The following STK3 variants were observed in gnomAD, a reference collection of about 807,000 sequenced individuals.
The protein encoded by STK3 is serine/threonine kinase 3, also known as serine/threonine-protein kinase 3.
In STK3, 41 loss-of-function variants were observed where a neutral mutation model predicts 58.0. The ratio of observed to expected loss-of-function variants is 0.71; its 90% CI spans 0.55 to 0.92. The LOEUF is 0.92. Among genes scored for constraint, STK3 ranks in the 40% least tolerant of loss-of-function variants. STK3 has a pLI of 0.00. For missense variants in STK3, 479 were observed against 602.7 expected (o/e 0.79, Z 2.15); for synonymous variants, 170 against 191.0 (o/e 0.89, Z 0.91).
chr8:98,912,161 A>T (rs186534506), intron 1 of STK3, among the ~76,000 whole-genome samples: 1 of 152,224 alleles, frequency 6.6e-6, no homozygotes, highest in South Asian at 2.1e-4. Flanking sequence ...GGTGGATCAC[A>T]TGAGGTCAGG....
intron 2 of STK3, among the ~76,000 whole-genome samples, chr8:98,774,424 T>C (rs1260820157): frequency 6.6e-6 from 1 of 152,192 alleles, no homozygotes; most frequent in East Asian, 1.9e-4. Context: ...GTCACTTGCC[T>C]AACAAAGTCA....
chr8:98,867,770 A>G (rs1007631542), intron 3 of STK3, among the ~76,000 whole-genome samples: 3 of 152,206 alleles, frequency 2.0e-5, no homozygotes, highest in Admixed American at 6.5e-5. Context: ...TGAAATGGAG[A>G]TAATAACAGT....
At chr8:98,822,950 T>G (rs1031234044) in intron 1 of STK3, among the ~76,000 whole-genome samples, 11 of 152,174 alleles carry the variant, frequency 7.2e-5, no homozygotes, top group African/African-American at 2.2e-4. Flanking sequence ...ATCGCTTGAA[T>G]CAGGATGCCA....
At chr8:98,834,338 G>C (rs1202102033) in intron 3 of STK3, among the ~76,000 whole-genome samples, 1 of 152,092 alleles carries the variant, frequency 6.6e-6, no homozygotes, top group Admixed American at 6.6e-5. Context: ...CTTCCAACTT[G>C]ACCCAAATAA....
chr8:98,886,944 A>G (rs1339753554), intron 1 of STK3, among the ~76,000 whole-genome samples: 1 of 152,038 alleles, frequency 6.6e-6, no homozygotes, highest in Non-Finnish European at 1.5e-5. Context: ...CTAAAAATAC[A>G]AAAATTAGCT....
chr8:98,508,287 G>T (rs1162264556), intron 10 of STK3, among the ~76,000 whole-genome samples: 14 of 152,036 alleles, frequency 9.2e-5, no homozygotes, highest in Non-Finnish European at 1.0e-4. Flanking sequence ...TATCATAGGT[G>T]GCAAATTCCT....
At chr8:98,821,901 G>A (rs763583336) in intron 1 of STK3, among the ~76,000 whole-genome samples, 1 of 152,112 alleles carries the variant, frequency 6.6e-6, no homozygotes, top group Non-Finnish European at 1.5e-5. Flanking sequence ...CTTGAACTGG[G>A]CTACACACTG....
chr8:98,679,622 C>G (rs1216307548), intron 6 of STK3, among the ~76,000 whole-genome samples: 1 of 152,146 alleles, frequency 6.6e-6, no homozygotes, highest in Non-Finnish European at 1.5e-5. Flanking sequence ...CTGCTGCATC[C>G]CTAGTACCTA....
intron 10 of STK3, among the ~76,000 whole-genome samples, chr8:98,460,419 G>A (rs1819860810): frequency 6.6e-6 from 1 of 152,186 alleles, no homozygotes; most frequent in African/African-American, 2.4e-5. Flanking sequence ...GACTTGCCTT[G>A]TCTCAGATTA....
At chr8:98,551,047 T>G (rs762134475) in intron 8 of STK3, among the ~76,000 whole-genome samples, 6 of 152,146 alleles carry the variant, frequency 3.9e-5, no homozygotes, top group Non-Finnish European at 5.9e-5. Flanking sequence ...AGGCTGGACT[T>G]TAACTGAATC....
intron 1 of STK3, among the ~76,000 whole-genome samples, chr8:98,439,737 T>C (rs780503186): frequency 6.6e-6 from 1 of 152,192 alleles, no homozygotes; most frequent in Admixed American, 6.5e-5. Context: ...GCTGATCCTC[T>C]AGCAAAATCT....
At chr8:98,382,400 AGGCACACTTCCTTCCCAGCCCAG>A (rs1817743611) in intron 1 of STK3, among the ~76,000 whole-genome samples, 1 of 152,178 alleles carries the variant, frequency 6.6e-6, no homozygotes, top group Non-Finnish European at 1.5e-5. Context: ...TTTGTTTAAA[AGGCACACTTCCTTCCCAGCCCAG>A]GGTCCCAGAA....
At position 98,774,801 on chromosome 8, in the gene STK3, A is replaced by C; in HGVS notation, c.45T>G (p.Ser15Arg). Residue 15 changes from serine (S) to arginine (R), a missense_variant, in exon 2 of 11, where the codon AGT becomes AGG. Around this residue, in one of 3 missense-constraint regions of STK3, gnomAD observed 44 missense variants for 37.0 expected, o/e 1.19. Transcript: ENST00000419617. Reference protein sequence around the residue: ...PAPKSKLKKLSEDSLTKQPEE... With the variant: ...PAPKSKLKKLREDSLTKQPEE... The stretch of plus-strand genomic sequence containing the variant: ...CAGGCTGCTTAGTCAAACTGTCTTC[A>C]CTCAGCTTTTTTAGTTTACTGATTT... 6.4e-7 allele frequency: 1 copy of C among 1,569,370 alleles called. No homozygotes were observed. Among genetic ancestry groups the C allele is most frequent in the African/African-American group, 1.4e-5 (1 of 73,434 alleles).
At chr8:98,730,856 G>A (rs1033377734) in intron 4 of STK3, among the ~76,000 whole-genome samples, 2 of 152,012 alleles carry the variant, frequency 1.3e-5, no homozygotes, top group African/African-American at 4.8e-5. Context: ...TGTGAAGACT[G>A]AGGGAACTAC....
intron 10 of STK3, among the ~76,000 whole-genome samples, chr8:98,513,304 G>GGGTA (rs1370990924): frequency 1.2e-4 from 18 of 152,138 alleles, no homozygotes; most frequent in African/African-American, 4.1e-4. Context: ...AAGAGGGCAA[G>GGGTA]GGTACATCAG....
chr8:98,479,771 C>A (rs1821700541), intron 10 of STK3, among the ~76,000 whole-genome samples: 2 of 152,106 alleles, frequency 1.3e-5, no homozygotes, highest in Admixed American at 1.3e-4. Flanking sequence ...CAGAAGCCAA[C>A]CTTGATACGA....
intron 10 of STK3, among the ~76,000 whole-genome samples, chr8:98,520,692 T>C (rs1038085158): frequency 6.6e-6 from 1 of 152,016 alleles, no homozygotes; most frequent in Admixed American, 6.6e-5. Context: ...AGTTCTCTTC[T>C]AGAAGGCGGC....
intron 10 of STK3, among the ~76,000 whole-genome samples, chr8:98,469,252 CG>C (rs746927358): frequency 4.4e-4 from 43 of 97,380 alleles, no homozygotes; most frequent in African/African-American, 1.4e-3. Flanking sequence ...CTTTTCTTTG[CG>C]GGGGCGGGGG....
chr8:98,694,529 T>A (rs779678850), intron 6 of STK3, among the ~76,000 whole-genome samples: 20 of 151,830 alleles, frequency 1.3e-4, no homozygotes, highest in Admixed American at 3.9e-4. Flanking sequence ...GTCCCCAGAG[T>A]GTGATGTTCC....
Sources: gnomAD v4.1 joint callset for allele counts (sites outside exome capture counted in the v4.1 genomes callset) on GRCh38, gnomAD v4.1.1 for gene constraint, gnomAD v4.1.1 regional missense constraint, MANE v1.5 for transcripts, NCBI Gene and HGNC (gene_info 2026-07-23, HGNC 2026-07-21) for gene names.